The following PCDHGA3 variants were observed in gnomAD, a reference collection of about 807,000 sequenced individuals.
PCDHGA3 encodes the protein protocadherin gamma subfamily A, 3.
In PCDHGA3, 40 loss-of-function variants were observed where a neutral mutation model predicts 58.5. The ratio of observed to expected loss-of-function variants is 0.68; its 90% CI spans 0.53 to 0.89. The LOEUF (loss-of-function observed/expected upper bound fraction) is 0.89. PCDHGA3 is among the 40% of genes least tolerant of loss of function. The pLI, the probability that PCDHGA3 is intolerant of heterozygous loss-of-function variation, is 0.00. For synonymous variants in PCDHGA3, 530 were observed against 525.7 expected (o/e 1.01, Z -0.11); for missense variants, 1,223 against 1,195.9 (o/e 1.02, Z -0.33).
At chr5:141,463,438 CTTTTTTTTTTTTT>C (rs71576115) in intron 1 of PCDHGA3, among the ~76,000 whole-genome samples, 4 of 103,254 alleles carry the variant, frequency 3.9e-5, no homozygotes, top group South Asian at 3.2e-4. Flanking sequence ...TTTCCTTCTC[CTTTTTTTTTTTTT>C]TTTTTTTTTT....
intron 1 of PCDHGA3, chr5:141,361,179 T>C: frequency 6.2e-7 from 1 of 1,613,926 alleles, no homozygotes; most frequent in Non-Finnish European, 8.5e-7. Flanking sequence ...CTGAAGTTAT[T>C]GTGACTTCAG....
intron 1 of PCDHGA3, chr5:141,374,345 G>A (rs1221134827): frequency 8.1e-6 from 13 of 1,614,018 alleles, no homozygotes; most frequent in Non-Finnish European, 1.1e-5. Flanking sequence ...GGTCACCGCG[G>A]GTAGGATAGA....
rs774211225 is a variant in PCDHGA3 at position 141,374,709 on chromosome 5, G to A, written c.2424+28252G>A. 28 of 1,608,934 alleles carry A rather than the reference G, an allele frequency of 1.7e-5. No individual in the cohort carries two copies. In the South Asian group the frequency reaches 1.9e-4, roughly 11 times the overall value. On this transcript the variant is annotated intron_variant, in intron 1 of 3. Transcript: ENST00000253812. ...GACCGGGAAGGAGAAGCCGTTTACCGCCTGGTCCTTACTGCCATGGATGGC... is the reference window on the plus strand; with the variant it reads ...GACCGGGAAGGAGAAGCCGTTTACCACCTGGTCCTTACTGCCATGGATGGC...
chr5:141,461,560 T>G (rs1355320881), intron 1 of PCDHGA3, among the ~76,000 whole-genome samples: 1 of 152,234 alleles, frequency 6.6e-6, no homozygotes, highest in African/African-American at 2.4e-5. Context: ...ATGTGTACTT[T>G]GCAAAGATAA....
intron 2 of PCDHGA3, among the ~76,000 whole-genome samples, chr5:141,504,782 G>A (rs2099841011): frequency 6.6e-6 from 1 of 151,926 alleles, no homozygotes; most frequent in Non-Finnish European, 1.5e-5. Context: ...AGGGTCTCTT[G>A]GGGCCTCCTA....
chr5:141,417,833 G>A (rs968698994), intron 1 of PCDHGA3: 8 of 1,529,614 alleles, frequency 5.2e-6, no homozygotes, highest in Middle Eastern at 1.7e-4. Context: ...TGGAAAAGCG[G>A]GGACCCAGCG....
intron 1 of PCDHGA3, chr5:141,371,739 G>A (rs1356190228): frequency 6.2e-7 from 1 of 1,614,036 alleles, no homozygotes; most frequent in South Asian, 1.1e-5. Flanking sequence ...CAACGACAAC[G>A]TTCCCGTTTT....
At chr5:141,457,280 A>T (rs964027392) in intron 1 of PCDHGA3, among the ~76,000 whole-genome samples, 1 of 152,196 alleles carries the variant, frequency 6.6e-6, no homozygotes, top group Non-Finnish European at 1.5e-5. Flanking sequence ...TGGGCCTACG[A>T]AGTTCCTTGG....
At chr5:141,350,027 C>T (rs536709950) in intron 1 of PCDHGA3, 2 of 373,222 alleles carry the variant, frequency 5.4e-6, no homozygotes, top group African/African-American at 2.1e-5. Flanking sequence ...TTTTCCAAGA[C>T]AACCTCTGGG....
At position 141,344,812 on chromosome 5, in the gene PCDHGA3, G is replaced by A. The variant is rs750760013; in HGVS notation, c.779G>A (p.Arg260Gln). 6.8e-6 allele frequency: 11 copies of A among 1,613,836 alleles called. No homozygotes were observed. Among genetic ancestry groups the A allele is most frequent in the African/African-American group, 4.0e-5 (3 of 74,898 alleles). ...TGGGAGAACGTGCCTGTGGGTACCC[G>A]GCTGCTCACGGTGAATGCCACTGAC... ...SVWENVPVGT[R>Q]LLTVNATDPD... Residue 260 changes from arginine (R) to glutamine (Q), a missense_variant, in exon 1 of 4, where the codon CGG becomes CAG. Physicochemically the swap from Arg to Gln is conservative, Grantham distance 43 (BLOSUM62 1). Transcript: ENST00000253812.
rs1562129544 is a variant in PCDHGA3 at position 141,489,362 on chromosome 5, C to G, written c.2425-5445C>G. ...TACTCAGTGGTGGAGGAGTCTGAGC[C>G]GGGGACGCTGGTGGGGAATGTTGCT... On this transcript the variant is annotated intron_variant, in intron 1 of 3. Transcript: ENST00000253812. This position sits in a 1 kb window ranked among gnomAD's most constrained non-coding sequence, Gnocchi z 4.5. 6.2e-7 allele frequency: 1 copy of G among 1,613,052 alleles called. No individual in the cohort carries two copies. Among genetic ancestry groups the G allele is most frequent in the Non-Finnish European group, 8.5e-7 (1 of 1,179,268 alleles).
rs1757712642 is a variant in PCDHGA3, at chr5:141,346,205, G to A, written c.2172G>A (p.Leu724=). Residue 724 remains leucine (L), a synonymous_variant, in exon 1 of 4, where the codon CTG becomes CTA. Transcript: ENST00000253812. Reference sequence around the variant, plus strand: ...TGCGGCGCTGGCACAAGTCACGCCTGCTGCAGGCTTCGGGAGGCGGCTTGG... The same window carrying A: ...TGCGGCGCTGGCACAAGTCACGCCTACTGCAGGCTTCGGGAGGCGGCTTGG... ...LRLRRWHKSR[L]LQASGGGLAS... The A allele has an allele frequency of 6.2e-7, 1 of 1,614,138 alleles. No homozygotes were observed.
rs531855306 is a variant in PCDHGA3 at position 141,422,110 on chromosome 5, T to C, written c.2425-72697T>C. 230 of 1,606,626 alleles carry C rather than the reference T, an allele frequency of 1.4e-4. 6 individuals carry two copies. The South Asian group carries it at 2.5e-3, about 17-fold the overall frequency. On this transcript the variant is annotated intron_variant, in intron 1 of 3. Coordinates refer to ENST00000253812, the MANE Select transcript of PCDHGA3 (RefSeq NM_018916.4). The stretch of plus-strand genomic sequence containing the variant: ...AAGCAAGGCTTCTGAAATATTCCAA[T>C]TGGATTCACAAACTGGAGAAGTTCA...
intron 1 of PCDHGA3, chr5:141,393,785 G>A (rs753963995): frequency 6.2e-7 from 1 of 1,613,922 alleles, no homozygotes; most frequent in Non-Finnish European, 8.5e-7. Context: ...CCGAAGATGT[G>A]GGGGCACTTC....
intron 1 of PCDHGA3, among the ~76,000 whole-genome samples, chr5:141,430,226 T>C (rs1331325242): frequency 6.9e-6 from 1 of 144,216 alleles, no homozygotes; most frequent in Admixed American, 7.0e-5. Context: ...ATATGATTTG[T>C]CAAAAAGAGA....
chr5:141,487,919 A>G lies in PCDHGA3; in HGVS notation c.2425-6888A>G, dbSNP rs548678238. ...ATGGAATGTGGGAGCACAGGAGGCTACAGTGCACAGGGTACAGTGCACCAG... is the reference window on the plus strand; with the variant it reads ...ATGGAATGTGGGAGCACAGGAGGCTGCAGTGCACAGGGTACAGTGCACCAG... On this transcript the variant is annotated intron_variant, in intron 1 of 3. Transcript: ENST00000253812. The surrounding 1 kb of genome is among the most constrained non-coding windows in gnomAD (Gnocchi z 5.0). 23 of 644,878 alleles carry G rather than the reference A, an allele frequency of 3.6e-5. No individual in the cohort carries two copies. Among genetic ancestry groups the G allele is most frequent in the Non-Finnish European group, 5.6e-5 (21 of 374,374 alleles). 39.9% of individuals were successfully genotyped at this position (644,878 alleles called of 1,614,324 possible). A position where few individuals can be genotyped will look rare whatever the true frequency, so the allele number is the denominator to read the frequency against.
At position 141,364,855 on chromosome 5, in the gene PCDHGA3, T is replaced by A. The variant is rs772829595; in HGVS notation, c.2424+18398T>A. 3.1e-6 allele frequency: 5 copies of A among 1,613,874 alleles called. No homozygotes were observed. The African/African-American group carries it at 5.3e-5, about 17-fold the overall frequency. The stretch of plus-strand genomic sequence containing the variant: ...TCCGGAGTTACCAGCTCAGCTCCAA[T>A]CTGCACTTCTCTCTGGATGTGGTAA... On this transcript the variant is annotated intron_variant, in intron 1 of 3. Coordinates refer to ENST00000253812, the MANE Select transcript of PCDHGA3 (RefSeq NM_018916.4).
At chr5:141,463,831 C>T (rs2099070299) in intron 1 of PCDHGA3, among the ~76,000 whole-genome samples, 1 of 152,174 alleles carries the variant, frequency 6.6e-6, no homozygotes, top group African/African-American at 2.4e-5. Flanking sequence ...TGATCCACTT[C>T]CCAGTTGTTA....
At chr5:141,412,198 G>T (rs1248911071) in intron 1 of PCDHGA3, 1 of 152,180 alleles carries the variant, frequency 6.6e-6, no homozygotes, top group African/African-American at 2.4e-5. Flanking sequence ...ATGAAAACAG[G>T]TCATTTGACA....
Sources: allele counts gnomAD v4.1 joint callset (sites outside exome capture counted in the v4.1 genomes callset), GRCh38; gene constraint gnomAD v4.1.1; non-coding constraint Gnocchi (gnomAD v3.1); transcripts MANE v1.5; gene names NCBI Gene and HGNC (gene_info 2026-07-23, HGNC 2026-07-21).